HS2ST1: variants seen among roughly 807,000 people sequenced by gnomAD.
HS2ST1 encodes 2-O-sulfotransferase.
HS2ST1 carries 18 observed loss-of-function variants against 42.9 expected under a neutral mutation model. The ratio of observed to expected loss-of-function variants is 0.42; its 90% CI spans 0.29 to 0.62. The LOEUF is 0.62. HS2ST1 is among the 20% of genes least tolerant of loss of function. The pLI, the probability that HS2ST1 is intolerant of heterozygous loss-of-function variation, is 0.21. For missense variants in HS2ST1, 334 were observed against 433.8 expected (o/e 0.77, Z 2.04); for synonymous variants, 146 against 152.9 (o/e 0.95, Z 0.33).
chr1:87,102,035 G>A (rs1316854562), intron 5 of HS2ST1, among the ~76,000 whole-genome samples: 5 of 152,072 alleles, frequency 3.3e-5, no homozygotes, highest in Non-Finnish European at 7.4e-5. Flanking sequence ...AGTGAAGGGG[G>A]AGGACCCAGT....
intron 1 of HS2ST1, among the ~76,000 whole-genome samples, chr1:87,025,528 C>G: frequency 6.6e-6 from 1 of 152,166 alleles, no homozygotes; most frequent in East Asian, 1.9e-4. Context: ...AATAGCTTGA[C>G]AAATGCACAG....
chr1:86,965,668 A>G (rs1403699856), intron 1 of HS2ST1, among the ~76,000 whole-genome samples: 1 of 151,878 alleles, frequency 6.6e-6, no homozygotes, highest in Non-Finnish European at 1.5e-5. Flanking sequence ...AGGGGATTAA[A>G]ATCTCTAGCC....
chr1:87,042,732 A>T (rs552569661), intron 1 of HS2ST1, among the ~76,000 whole-genome samples: 1 of 152,206 alleles, frequency 6.6e-6, no homozygotes, highest in South Asian at 2.1e-4. Context: ...AAGATGATAA[A>T]TTATCACTGG....
At chr1:87,086,581 C>T (rs576798677) in intron 3 of HS2ST1, among the ~76,000 whole-genome samples, 2 of 152,006 alleles carry the variant, frequency 1.3e-5, no homozygotes, top group Admixed American at 6.6e-5. Flanking sequence ...CCCCAAGAAA[C>T]CTAGGAAATA....
intron 1 of HS2ST1, among the ~76,000 whole-genome samples, chr1:87,054,708 ATAAT>A (rs1285404012): frequency 6.6e-6 from 1 of 152,198 alleles, no homozygotes; most frequent in African/African-American, 2.4e-5. Context: ...GTTTGCCAAG[ATAAT>A]TAAGAAATGG....
intron 1 of HS2ST1, among the ~76,000 whole-genome samples, chr1:86,918,557 T>A (rs534584373): frequency 6.6e-6 from 1 of 152,076 alleles, no homozygotes; most frequent in Non-Finnish European, 1.5e-5. Flanking sequence ...ATAGGAAACA[T>A]CCTTATGTGT....
intron 3 of HS2ST1, among the ~76,000 whole-genome samples, chr1:87,091,795 A>G (rs1404996236): frequency 6.6e-6 from 1 of 152,076 alleles, no homozygotes; most frequent in Non-Finnish European, 1.5e-5. Context: ...ACAGGGAGCC[A>G]GTTGTACAGT....
intron 1 of HS2ST1, 86 bp downstream of exon 1, chr1:86,915,246 C>T (rs114120960): frequency 0.019 from 27,237 of 1,466,904 alleles, 357 homozygotes; most frequent in South Asian, 0.048. Flanking sequence ...TTCATCTAAC[C>T]TGGGGTCTGG....
At chr1:87,084,703 T>A (rs1651773521) in intron 3 of HS2ST1, among the ~76,000 whole-genome samples, 1 of 152,158 alleles carries the variant, frequency 6.6e-6, no homozygotes, top group South Asian at 2.1e-4. Context: ...TCCCTTGGGC[T>A]ACCTTATTTT....
chr1:86,957,690 T>C (rs1490411473), intron 1 of HS2ST1, among the ~76,000 whole-genome samples: 1 of 152,062 alleles, frequency 6.6e-6, no homozygotes, highest in East Asian at 1.9e-4. Flanking sequence ...AATAATGTAC[T>C]AATAAGGGAG....
intron 1 of HS2ST1, among the ~76,000 whole-genome samples, chr1:87,069,057 T>G (rs985719806): frequency 6.6e-6 from 1 of 152,200 alleles, no homozygotes; most frequent in African/African-American, 2.4e-5. Flanking sequence ...ACAAACATCT[T>G]CATCCTCATC....
chr1:86,949,364 G>C (rs2474928), intron 1 of HS2ST1, among the ~76,000 whole-genome samples: 36,278 of 152,110 alleles, frequency 0.24, 5,100 homozygotes, highest in African/African-American at 0.38. Flanking sequence ...CGGCCTTGGC[G>C]TCCCAAAGTG....
At chr1:87,063,259 G>C (rs1269023748) in intron 1 of HS2ST1, among the ~76,000 whole-genome samples, 1 of 151,950 alleles carries the variant, frequency 6.6e-6, no homozygotes, top group African/African-American at 2.4e-5. Context: ...TTTTCTTTCA[G>C]TTCATTAAAC....
intron 1 of HS2ST1, among the ~76,000 whole-genome samples, chr1:86,968,345 A>G (rs991491035): frequency 6.6e-6 from 1 of 152,050 alleles, no homozygotes; most frequent in Non-Finnish European, 1.5e-5. Flanking sequence ...AAGCATATAT[A>G]TGTATTTGGT....
chr1:86,940,131 A>G (rs1455739186), intron 1 of HS2ST1, among the ~76,000 whole-genome samples: 1 of 152,150 alleles, frequency 6.6e-6, no homozygotes, highest in Non-Finnish European at 1.5e-5. Context: ...TGGGAGGCCA[A>G]GGTGGGAGGA....
chr1:86,924,904 G>A (rs769452683), intron 1 of HS2ST1, among the ~76,000 whole-genome samples: 1 of 152,194 alleles, frequency 6.6e-6, no homozygotes, highest in Non-Finnish European at 1.5e-5. Flanking sequence ...AATTTCTTCA[G>A]TGGGCTTGGA....
intron 4 of HS2ST1, among the ~76,000 whole-genome samples, chr1:87,096,287 T>G (rs961781750): frequency 1.1e-4 from 17 of 152,224 alleles, no homozygotes; most frequent in Non-Finnish European, 2.1e-4. Context: ...TTGATATGTT[T>G]TACACTTTGA....
chr1:87,013,093 A>G (rs1649650094), intron 1 of HS2ST1, among the ~76,000 whole-genome samples: 1 of 152,144 alleles, frequency 6.6e-6, no homozygotes, highest in Non-Finnish European at 1.5e-5. Flanking sequence ...CTACCATTCT[A>G]GGGTCTGGAG....
chr1:87,092,069 G>T (rs756495892), intron 3 of HS2ST1, among the ~76,000 whole-genome samples: 5 of 152,028 alleles, frequency 3.3e-5, no homozygotes, highest in Non-Finnish European at 5.9e-5. Flanking sequence ...ATGCAGATTT[G>T]AAACTTTCTG....
Sources: gnomAD v4.1 joint callset for allele counts (sites outside exome capture counted in the v4.1 genomes callset) on GRCh38, gnomAD v4.1.1 for gene constraint, MANE v1.5 for transcripts, NCBI Gene and HGNC (gene_info 2026-07-23, HGNC 2026-07-21) for gene names.